Variants in DNHD1 observed in about 807,000 individuals in gnomAD.
The protein encoded by DNHD1 is dynein heavy chain domain-containing protein 1.
DNHD1 carries 383 observed loss-of-function variants against 458.1 expected under a neutral mutation model. The observed-to-expected ratio is 0.84, with a 90% confidence interval of 0.77 to 0.91. DNHD1 has a LOEUF of 0.91. DNHD1 is among the 40% of genes least tolerant of loss of function. DNHD1 has a pLI of 0.00. For missense variants in DNHD1, 5,336 were observed against 5,866.1 expected (o/e 0.91, Z 2.95); for synonymous variants, 2,203 against 2,376.9 (o/e 0.93, Z 2.13).
At chr11:6,507,439 G>C (rs1255728370) in intron 4 of DNHD1, among the ~76,000 whole-genome samples, 1 of 152,126 alleles carries the variant, frequency 6.6e-6, no homozygotes, top group Non-Finnish European at 1.5e-5. Context: ...GCTATGTTTA[G>C]ATACATTTAA....
At chr11:6,515,053 CT>C in intron 7 of DNHD1, among the ~76,000 whole-genome samples, 1 of 152,166 alleles carries the variant, frequency 6.6e-6, no homozygotes, top group Non-Finnish European at 1.5e-5. Context: ...ACATTGATCC[CT>C]TCATGTGAGT....
At position 6,511,351 on chromosome 11, in the gene DNHD1, G is replaced by A. The variant is rs778516739; in HGVS notation, c.1314G>A (p.Thr438=). The change falls in exon 7 of 43, where the codon ACG becomes ACA. Residue 438 remains threonine (T), a synonymous_variant. Transcript: ENST00000254579. ...GCTATGAGCTGCTGGACCTGCAGAC[G>A]GCTCTAGCCGAGGAGAAGCATAAGG... The part of the protein sequence containing the change: ...DRCYELLDLQ[T]ALAEEKHKAL... 15 of 1,614,086 alleles carry A rather than the reference G, an allele frequency of 9.3e-6. No homozygotes were observed. Among genetic ancestry groups the A allele is most frequent in the Non-Finnish European group, 1.2e-5 (14 of 1,180,044 alleles).
intron 3 of DNHD1, among the ~76,000 whole-genome samples, 198 bp from the exon 4 acceptor site, chr11:6,502,555 G>A (rs1157169949): frequency 6.6e-6 from 1 of 152,194 alleles, no homozygotes; most frequent in Non-Finnish European, 1.5e-5. Context: ...TTGCCTAACT[G>A]TGTTCTATGA....
Position 6,558,365 on chromosome 11 carries a change from G to A in DNHD1, c.9002+68G>A, listed in dbSNP as rs192012555. 4.6e-3 allele frequency: 7,034 copies of A among 1,532,360 alleles called. 23 individuals are homozygous for A. The highest frequency in any genetic ancestry group is 6.0e-3 in the Admixed American group (302 of 50,230). The allele number at this position is 1,532,360 out of a possible 1,614,324, so 94.9% of individuals were successfully genotyped here. On this transcript the variant is annotated intron_variant, in intron 25 of 42. Transcript: ENST00000254579. ...GCTGTCTTGGCCAAAAGGCCAAAAGGAATTCTGTGGGCTGCCATGAGGGCT... is the reference window on the plus strand; with the variant it reads ...GCTGTCTTGGCCAAAAGGCCAAAAGAAATTCTGTGGGCTGCCATGAGGGCT...
Position 6,570,708 on chromosome 11 carries a change from A to G in DNHD1, c.13196A>G (p.Glu4399Gly), listed in dbSNP as rs751640455. ...GAACCCCGGCTCTGCGGACTGAGTG[A>G]GGGCCCCCAAGCCTGGCTGTTGCGA... ...PPEPRLCGLSEGPQAWLLRRQ... is the reference protein window; with the variant it reads ...PPEPRLCGLSGGPQAWLLRRQ... Residue 4399 changes from glutamate to glycine, a missense_variant, in exon 42 of 43, where the codon GAG becomes GGG. Glu to Gly is a moderately conservative substitution (Grantham distance 98). Transcript: ENST00000254579. 2 of 1,611,106 alleles carry G rather than the reference A, an allele frequency of 1.2e-6. No homozygotes were observed. Among genetic ancestry groups the G allele is most frequent in the East Asian group, 2.2e-5 (1 of 44,730 alleles).
At chr11:6,523,930 G>A (rs761833216) in intron 10 of DNHD1, among the ~76,000 whole-genome samples, 1 of 152,182 alleles carries the variant, frequency 6.6e-6, no homozygotes, top group Non-Finnish European at 1.5e-5. Context: ...TGAGGCTGCA[G>A]TGAGGCATGA....
At position 6,566,572 on chromosome 11, in the gene DNHD1, C is replaced by T; in HGVS notation, c.11207-15C>T. The T allele has an allele frequency of 6.2e-7, 1 of 1,613,048 alleles. No individual in the cohort carries two copies. The highest frequency in any genetic ancestry group is 1.3e-5 in the African/African-American group (1 of 75,028). ...CCAAGGGGAAGAGGTTAAGCATCTC[C>T]CATGTTACCCCAAGTGCTAGGTTGT... On this transcript the variant is annotated splice_polypyrimidine_tract_variant and intron_variant, in intron 34 of 42. Coordinates refer to ENST00000254579, the MANE Select transcript of DNHD1 (RefSeq NM_144666.3).
Position 6,558,302 on chromosome 11 carries a change from G to A in DNHD1, c.9002+5G>A, listed in dbSNP as rs1375779461. 1 of 1,549,664 alleles carries A rather than the reference G, an allele frequency of 6.5e-7. No homozygotes were observed. The highest frequency in any genetic ancestry group is 8.7e-7 in the Non-Finnish European group (1 of 1,146,166). ...GAAGGAAATGGTGTTGCAGAGGTGAGGCCAAGAACCCCATATGCGAATCTG... is the reference window on the plus strand; with the variant it reads ...GAAGGAAATGGTGTTGCAGAGGTGAAGCCAAGAACCCCATATGCGAATCTG... On this transcript the variant is annotated splice_donor_5th_base_variant and intron_variant, in intron 25 of 42. Transcript: ENST00000254579.
intron 4 of DNHD1, 99 bp from the exon 5 acceptor site, chr11:6,508,781 C>T (rs1310667309): frequency 9.3e-7 from 1 of 1,077,982 alleles, no homozygotes; most frequent in Non-Finnish European, 1.3e-6. Context: ...TTCTGCCTGC[C>T]TTCCTGTTCC....
At chr11:6,512,211 C>CTCTTTTTTTTTTTT (rs1852347476) in intron 7 of DNHD1, among the ~76,000 whole-genome samples, 1 of 91,630 alleles carries the variant, frequency 1.1e-5, no homozygotes, top group East Asian at 3.3e-4. Context: ...CTTTTTCTTT[C>CTCTTTTTTTTTTTT]TTTTTTTTTT....
intron 7 of DNHD1, among the ~76,000 whole-genome samples, chr11:6,516,346 T>A (rs904989166): frequency 2.0e-5 from 3 of 147,742 alleles, no homozygotes; most frequent in Admixed American, 7.0e-5. Context: ...TAGGCTGGAG[T>A]GTAGTGGCGC....
chr11:6,509,381 A>G, intron 6 of DNHD1, 109 bp downstream of exon 6: 1 of 947,942 alleles, frequency 1.1e-6, no homozygotes, highest in Non-Finnish European at 1.5e-6. Context: ...GCACTAAGAA[A>G]AAACCTTTAA....
At position 6,557,126 on chromosome 11, in the gene DNHD1, C is replaced by CAACA; in HGVS notation, c.7831_7832insAACA (p.Arg2611GlnfsTer41). On this transcript the variant is annotated frameshift_variant, in exon 25 of 43. Transcript: ENST00000254579. LOFTEE classifies it high-confidence loss of function. ...GCTGCTGCCCAACAGAACAGGCTCC[C>CAACA]GAGGTTTTGTGGACTATCCCAACCA... The CAACA allele has an allele frequency of 1.3e-6, 2 of 1,551,736 alleles. No individual in the cohort carries two copies. Among genetic ancestry groups the CAACA allele is most frequent in the Non-Finnish European group, 1.7e-6 (2 of 1,147,006 alleles).
chr11:6,547,666 G>A lies in DNHD1; in HGVS notation c.6727G>A (p.Glu2243Lys), dbSNP rs1206467232. The A allele has an allele frequency of 6.6e-7, 1 of 1,518,190 alleles. No homozygotes were observed. The highest frequency in any genetic ancestry group is 2.0e-5 in the Admixed American group (1 of 48,972). The allele number at this position is 1,518,190 out of a possible 1,614,324, so 94.0% of individuals were successfully genotyped here. The change falls in exon 21 of 43, where the codon GAG becomes AAG. Residue 2243 changes from glutamate (E) to lysine (K), a missense_variant and splice_region_variant. Transcript: ENST00000254579. The stretch of plus-strand genomic sequence containing the variant: ...AAAGGAGGAGAAGGCCCCTGGCCCA[G>A]GTGGGAAGATGGACGGGCTGGTTTG... ...RLKEEKAPGPEDLSYSDPVAQ... is the reference protein window; with the variant it reads ...RLKEEKAPGPKDLSYSDPVAQ...
In DNHD1 at chr11:6,502,906, G is replaced by A. The variant is rs1852166096; in HGVS notation, c.900G>A (p.Val300=). 1 of 1,613,560 alleles carries A rather than the reference G, an allele frequency of 6.2e-7. No homozygotes were observed. Among genetic ancestry groups the A allele is most frequent in the Middle Eastern group, 1.7e-4 (1 of 6,058 alleles). The change falls in exon 4 of 43, where the codon GTG becomes GTA. Residue 300 remains valine, a synonymous_variant. Coordinates refer to ENST00000254579, the MANE Select transcript of DNHD1 (RefSeq NM_144666.3). ...LKKIHFLYLN[V]APSRYFRPYS... ...AGATCCACTTCCTCTATCTCAATGT[G>A]GCTCCCAGCCGGTACTTTAGGTGAT...
At chr11:6,532,576 C>T (rs1458405428) in intron 12 of DNHD1, among the ~76,000 whole-genome samples, 4 of 152,178 alleles carry the variant, frequency 2.6e-5, no homozygotes, top group African/African-American at 9.7e-5. Flanking sequence ...CATACTGTTG[C>T]ACACACTGTT....
Position 6,545,060 on chromosome 11 carries a change from G to C in DNHD1, c.4121G>C (p.Arg1374Pro). 6.4e-7 allele frequency: 1 copy of C among 1,551,842 alleles called. No homozygotes were observed. Among genetic ancestry groups the C allele is most frequent in the Non-Finnish European group, 8.7e-7 (1 of 1,147,018 alleles). Residue 1374 changes from arginine to proline, a missense_variant, in exon 21 of 43, where the codon CGA becomes CCA. This residue lies in a region of DNHD1 where 3,932 missense variants were observed against 4,365.6 expected (regional missense o/e 0.90). Coordinates refer to ENST00000254579, the MANE Select transcript of DNHD1 (RefSeq NM_144666.3). This position sits in a 1 kb window ranked among gnomAD's most constrained non-coding sequence, Gnocchi z 4.9. ...DSELVALLAA[R>P]LESCEAQLWV... is the part of the protein sequence containing the mutation. ...GAGCTGGTAGCCCTGCTGGCTGCTC[G>C]ACTGGAATCATGCGAAGCCCAGCTA...
At chr11:6,540,388 C>G (rs563138742) in intron 18 of DNHD1, among the ~76,000 whole-genome samples, 3 of 152,316 alleles carry the variant, frequency 2.0e-5, no homozygotes, top group African/African-American at 4.8e-5. Context: ...TTTCAATGCT[C>G]TGTCCTCTAG....
Position 6,545,284 on chromosome 11 carries a change from G to T in DNHD1, c.4345G>T (p.Ala1449Ser), listed in dbSNP as rs1413031924. ...PLHPDLPKWL[A>S]SLEKCLRLAL... is the part of the protein sequence containing the mutation. ...GCATCCAGATCTCCCTAAGTGGCTG[G>T]CCTCTCTGGAGAAGTGTCTGCGCTT... Residue 1449 changes from alanine (A) to serine (S), a missense_variant, in exon 21 of 43, where the codon GCC (alanine) becomes TCC (serine). Coordinates refer to ENST00000254579, the MANE Select transcript of DNHD1 (RefSeq NM_144666.3). The surrounding 1 kb of genome is among the most constrained non-coding windows in gnomAD (Gnocchi z 4.9). The T allele has an allele frequency of 1.3e-6, 2 of 1,551,718 alleles. No homozygotes were observed. The highest frequency in any genetic ancestry group is 1.7e-6 in the Non-Finnish European group (2 of 1,147,002).
Sources: allele counts gnomAD v4.1 joint callset (sites outside exome capture counted in the v4.1 genomes callset), GRCh38; gene constraint gnomAD v4.1.1; regional missense constraint gnomAD v4.1.1; non-coding constraint Gnocchi (gnomAD v3.1); transcripts MANE v1.5; gene names NCBI Gene and HGNC (gene_info 2026-07-23, HGNC 2026-07-21).